Variants in RAD51B observed in about 807,000 individuals in gnomAD.
RAD51B encodes DNA repair protein RAD51 homolog 2.
In RAD51B, 38 loss-of-function variants were observed where a neutral mutation model predicts 42.2. The observed-to-expected ratio is 0.90, with a 90% CI of 0.70 to 1.18. The LOEUF is 1.18. Ranked by LOEUF, RAD51B falls within the 50% of genes most tolerant of loss-of-function variation. RAD51B has a pLI of 0.00. For synonymous variants in RAD51B, 154 were observed against 145.2 expected (o/e 1.06, Z -0.43); for missense variants, 373 against 400.7 (o/e 0.93, Z 0.59).
intron 11 of RAD51B, among the ~76,000 whole-genome samples, chr14:68,672,856 G>T (rs1303857437): frequency 6.6e-6 from 1 of 152,162 alleles, no homozygotes; most frequent in Non-Finnish European, 1.5e-5. Context: ...CCTTTCTCTT[G>T]CTTTGCACTG....
chr14:68,643,445 T>C (rs1892504090), intron 10 of RAD51B, among the ~76,000 whole-genome samples: 1 of 152,230 alleles, frequency 6.6e-6, no homozygotes, highest in African/African-American at 2.4e-5. Flanking sequence ...TTGGGTCTTG[T>C]TTCTTGATCC....
chr14:68,406,383 G>A (rs1177180797), intron 8 of RAD51B, among the ~76,000 whole-genome samples: 2 of 152,218 alleles, frequency 1.3e-5, no homozygotes, highest in Non-Finnish European at 2.9e-5. Flanking sequence ...GCATGTTGCT[G>A]TACTGAATAC....
intron 10 of RAD51B, among the ~76,000 whole-genome samples, chr14:68,501,729 C>T (rs1795540892): frequency 6.6e-6 from 1 of 152,280 alleles, no homozygotes; most frequent in African/African-American, 2.4e-5. Flanking sequence ...CCGGTGCCCA[C>T]TTCTCAAGAT....
intron 8 of RAD51B, among the ~76,000 whole-genome samples, chr14:68,404,347 T>C (rs2140060578): frequency 6.6e-6 from 1 of 152,340 alleles, no homozygotes; most frequent in South Asian, 2.1e-4. Context: ...TTCACTTATC[T>C]GTTTCCTAAC....
intron 7 of RAD51B, among the ~76,000 whole-genome samples, chr14:68,279,448 A>G (rs1373828519): frequency 6.6e-6 from 1 of 152,184 alleles, no homozygotes; most frequent in Non-Finnish European, 1.5e-5. Flanking sequence ...CAAAGGGATC[A>G]TGGTATACCT....
intron 7 of RAD51B, among the ~76,000 whole-genome samples, chr14:68,166,432 C>T (rs1298388482): frequency 6.6e-6 from 1 of 151,828 alleles, no homozygotes; most frequent in African/African-American, 2.4e-5. Flanking sequence ...AACTCTTTTT[C>T]TCTTTTAATT....
At chr14:68,579,353 T>C (rs935446872) in intron 10 of RAD51B, among the ~76,000 whole-genome samples, 5 of 152,170 alleles carry the variant, frequency 3.3e-5, no homozygotes, top group Non-Finnish European at 7.3e-5. Flanking sequence ...AGATTTCTTT[T>C]ATTCCTGGAG....
At chr14:68,423,381 A>G (rs1290129287) in intron 9 of RAD51B, among the ~76,000 whole-genome samples, 1 of 152,114 alleles carries the variant, frequency 6.6e-6, no homozygotes, top group African/African-American at 2.4e-5. Flanking sequence ...ATTTATTGAG[A>G]GTCTACTTTG....
At chr14:68,072,149 T>C (rs1343802359) in intron 7 of RAD51B, among the ~76,000 whole-genome samples, 2 of 134,266 alleles carry the variant, frequency 1.5e-5, no homozygotes, top group Non-Finnish European at 3.1e-5. Context: ...ATATATATTT[T>C]ATATATATTT....
intron 9 of RAD51B, among the ~76,000 whole-genome samples, chr14:68,433,798 G>C (rs150600110): frequency 6.6e-6 from 1 of 152,222 alleles, no homozygotes; most frequent in African/African-American, 2.4e-5. Flanking sequence ...GAGGAGCTGC[G>C]TTCCTTTGGA....
At chr14:67,920,733 C>T (rs12890941) in intron 7 of RAD51B, among the ~76,000 whole-genome samples, 1 of 152,004 alleles carries the variant, frequency 6.6e-6, no homozygotes, top group Non-Finnish European at 1.5e-5. Context: ...TGTGCTTGGT[C>T]TTAGGAATAC....
At chr14:68,648,144 T>G (rs1328784580) in intron 10 of RAD51B, among the ~76,000 whole-genome samples, 1 of 118,876 alleles carries the variant, frequency 8.4e-6, no homozygotes, top group South Asian at 2.5e-4. Flanking sequence ...TATATATATA[T>G]ATACACACAC....
chr14:68,580,852 G>A (rs1181447504), intron 10 of RAD51B, among the ~76,000 whole-genome samples: 1 of 152,164 alleles, frequency 6.6e-6, no homozygotes, highest in Non-Finnish European at 1.5e-5. Context: ...GTATAGCCTT[G>A]TATGTGCACA....
At chr14:68,149,904 C>G (rs2140768016) in intron 7 of RAD51B, 1 of 152,244 alleles carries the variant, frequency 6.6e-6, no homozygotes, top group East Asian at 1.9e-4. Flanking sequence ...GCCACCATGC[C>G]TGTCAGATTA....
intron 10 of RAD51B, among the ~76,000 whole-genome samples, chr14:68,560,404 G>A (rs1348670887): frequency 2.0e-5 from 3 of 152,108 alleles, no homozygotes; most frequent in Non-Finnish European, 2.9e-5. Context: ...AATGAGTCTG[G>A]GGACTTGGGG....
At chr14:68,280,706 TA>T (rs1024510931) in intron 7 of RAD51B, among the ~76,000 whole-genome samples, 12 of 152,194 alleles carry the variant, frequency 7.9e-5, no homozygotes, top group Admixed American at 7.8e-4. Context: ...GAGAGAAGGA[TA>T]ACACAAATGA....
intron 10 of RAD51B, among the ~76,000 whole-genome samples, chr14:68,476,864 C>T (rs1882663943): frequency 1.3e-5 from 2 of 152,194 alleles, no homozygotes; most frequent in Admixed American, 1.3e-4. Context: ...TAAGGGCTTG[C>T]ATTGCAGACA....
At chr14:68,400,514 T>C (rs1301652948) in intron 8 of RAD51B, among the ~76,000 whole-genome samples, 1 of 152,190 alleles carries the variant, frequency 6.6e-6, no homozygotes, top group Non-Finnish European at 1.5e-5. Context: ...ATGGTGACCA[T>C]GTATAATACA....
intron 8 of RAD51B, among the ~76,000 whole-genome samples, chr14:68,409,593 AG>A (rs1011037977): frequency 1.3e-5 from 2 of 152,162 alleles, no homozygotes; most frequent in African/African-American, 4.8e-5. Flanking sequence ...ATGCCAAGGA[AG>A]GGGGAAGCTT....
Sources: gnomAD v4.1 joint callset for allele counts (sites outside exome capture counted in the v4.1 genomes callset) on GRCh38, gnomAD v4.1.1 for gene constraint, MANE v1.5 for transcripts, NCBI Gene and HGNC (gene_info 2026-07-23, HGNC 2026-07-21) for gene names.